CSMD1: variants seen among roughly 807,000 people sequenced by gnomAD.
CSMD1 encodes CUB and Sushi multiple domains 1.
A neutral mutation model predicts 417.5 loss-of-function variants in CSMD1; 213 were observed. That is an observed-to-expected ratio of 0.51 (90% CI 0.46 to 0.57). The LOEUF is 0.57. CSMD1 is among the 20% of genes least tolerant of loss of function. CSMD1 has a pLI of 0.00. For missense variants in CSMD1, 6,923 were observed against 4,529.7 expected (o/e 1.53, Z -15.17); for synonymous variants, 2,862 against 1,736.8 (o/e 1.65, Z -16.11).
At chr8:3,962,420 C>A (rs1812391264) in intron 5 of CSMD1, among the ~76,000 whole-genome samples, 1 of 152,190 alleles carries the variant, frequency 6.6e-6, no homozygotes, top group African/African-American at 2.4e-5. Flanking sequence ...AGGTCTACCA[C>A]CCTCACCTCT....
chr8:4,136,599 C>T (rs1387329498), intron 3 of CSMD1, among the ~76,000 whole-genome samples: 3 of 152,156 alleles, frequency 2.0e-5, no homozygotes, highest in Non-Finnish European at 4.4e-5. Context: ...CAATTCCAGC[C>T]AGCAAGAGAG....
At chr8:4,603,281 T>C (rs1052896458) in intron 2 of CSMD1, among the ~76,000 whole-genome samples, 1 of 152,100 alleles carries the variant, frequency 6.6e-6, no homozygotes. Flanking sequence ...TTAATTTTTT[T>C]TACATTTCAA....
At chr8:4,889,661 T>G (rs1250689138) in intron 1 of CSMD1, among the ~76,000 whole-genome samples, 2 of 152,108 alleles carry the variant, frequency 1.3e-5, no homozygotes, top group Non-Finnish European at 2.9e-5. Context: ...ATATAAGGTT[T>G]TATTTAAAGC....
intron 3 of CSMD1, among the ~76,000 whole-genome samples, chr8:4,050,502 G>A (rs192096667): frequency 3.9e-5 from 6 of 152,032 alleles, no homozygotes; most frequent in Admixed American, 6.6e-5. Flanking sequence ...AGGGTAAATG[G>A]GGGTATGTAT....
intron 1 of CSMD1, among the ~76,000 whole-genome samples, chr8:4,852,100 C>T (rs1801515680): frequency 6.6e-6 from 1 of 152,192 alleles, no homozygotes; most frequent in Non-Finnish European, 1.5e-5. Context: ...ATATCTTTTA[C>T]TTGTGAAACT....
rs375275509 is a variant in CSMD1 at position 4,921,253 on chromosome 8, C to T, written c.85+73079G>A. Among the ~76,000 whole-genome samples the T allele has an allele frequency of 6.6e-5, 10 of 152,212 alleles. No homozygotes were observed. The South Asian group carries it at 2.1e-3, about 32-fold the overall frequency. On this transcript the variant is annotated intron_variant, in intron 1 of 69. Transcript: ENST00000635120. The stretch of plus-strand genomic sequence containing the variant: ...AGAAACCTCTTCCACCAGCCAGAGG[C>T]AACATTTATTGTCAGCCAATCTGAG...
intron 3 of CSMD1, among the ~76,000 whole-genome samples, chr8:4,401,940 T>TTTGATACA (rs1804673008): frequency 6.6e-6 from 1 of 151,998 alleles, no homozygotes; most frequent in African/African-American, 2.4e-5. Flanking sequence ...CCCACCCTGC[T>TTTGATACA]CTCCCGTGCA....
intron 11 of CSMD1, among the ~76,000 whole-genome samples, chr8:3,473,910 G>A (rs760207296): frequency 4.8e-4 from 73 of 152,074 alleles, no homozygotes; most frequent in Non-Finnish European, 1.6e-4. Flanking sequence ...GGGAAGCAAG[G>A]CACGTCTTAC....
intron 1 of CSMD1, among the ~76,000 whole-genome samples, chr8:4,777,847 G>A (rs931416184): frequency 6.6e-6 from 1 of 152,156 alleles, no homozygotes; most frequent in East Asian, 1.9e-4. Flanking sequence ...TCAACTAACG[G>A]CAACTATGCA....
At chr8:4,306,388 T>G (rs1462862524) in intron 3 of CSMD1, among the ~76,000 whole-genome samples, 1 of 89,414 alleles carries the variant, frequency 1.1e-5, no homozygotes, top group Non-Finnish European at 2.2e-5. Context: ...AATGCTGGAT[T>G]AAAAAACCTA....
intron 3 of CSMD1, among the ~76,000 whole-genome samples, chr8:4,159,689 C>T (rs978097528): frequency 8.5e-5 from 13 of 152,080 alleles, no homozygotes; most frequent in East Asian, 1.9e-4. Context: ...CCCGGGTTCA[C>T]GCCATTCTCC....
At position 4,460,278 on chromosome 8, in the gene CSMD1, T is replaced by C. The variant is rs936769330; in HGVS notation, c.303-40213A>G. 2.0e-5 allele frequency among the ~76,000 whole-genome samples: 3 copies of C among 151,982 alleles called. No individual in the cohort carries two copies. In the East Asian group the frequency reaches 5.8e-4, roughly 29 times the overall value. ...AGAAATCACTAGGGAAATTTAAAAA[T>C]AATATGAACGAAAATGGAGATCAAA... On this transcript the variant is annotated intron_variant, in intron 2 of 69. Transcript: ENST00000635120.
chr8:4,300,944 T>A (rs922624289), intron 3 of CSMD1, among the ~76,000 whole-genome samples: 5 of 152,188 alleles, frequency 3.3e-5, no homozygotes, highest in African/African-American at 1.2e-4. Flanking sequence ...TTGTTGGACA[T>A]TTAGGTTGGT....
At chr8:4,118,531 C>T (rs1802292667) in intron 3 of CSMD1, among the ~76,000 whole-genome samples, 1 of 151,900 alleles carries the variant, frequency 6.6e-6, no homozygotes, top group East Asian at 1.9e-4. Context: ...GCAAACCAAA[C>T]CAAAATGGGA....
intron 5 of CSMD1, among the ~76,000 whole-genome samples, chr8:3,782,909 T>G (rs1584990805): frequency 6.6e-6 from 1 of 152,114 alleles, no homozygotes; most frequent in Non-Finnish European, 1.5e-5. Flanking sequence ...AATAAATAAA[T>G]AAAACTGTGG....
At chr8:3,423,211 G>C (rs940517844) in intron 12 of CSMD1, among the ~76,000 whole-genome samples, 4 of 152,112 alleles carry the variant, frequency 2.6e-5, no homozygotes, top group East Asian at 1.9e-4. Context: ...ACAATTTAAG[G>C]AGTCTTAATT....
chr8:3,475,981 C>A (rs1446656445), intron 11 of CSMD1, among the ~76,000 whole-genome samples: 1 of 152,202 alleles, frequency 6.6e-6, no homozygotes, highest in East Asian at 1.9e-4. Context: ...ACAATTTCAT[C>A]TCTGATCAAA....
chr8:4,684,130 T>A (rs1397767718), intron 1 of CSMD1, among the ~76,000 whole-genome samples: 1 of 152,224 alleles, frequency 6.6e-6, no homozygotes, highest in Non-Finnish European at 1.5e-5. Context: ...ATGATAATGA[T>A]TTCATATACA....
chr8:3,110,445 T>C lies in CSMD1; in HGVS notation c.6431-110A>G, dbSNP rs1443339659. The C allele has an allele frequency of 7.5e-5, 66 of 874,252 alleles. No individual in the cohort carries two copies. The East Asian group carries it at 1.8e-3, about 23-fold the overall frequency. 54.2% of individuals were successfully genotyped at this position (874,252 alleles called of 1,614,324 possible). A position where few individuals can be genotyped will look rare whatever the true frequency, so the allele number is the denominator to read the frequency against. ...AGCCAACATTTTTCCTGATGGGAAA[T>C]AGGTGTGAAATATTTCTGAATCACC... On this transcript the variant is annotated intron_variant, in intron 42 of 69. Coordinates refer to ENST00000635120, the MANE Select transcript of CSMD1 (RefSeq NM_033225.6).
Sources: gnomAD v4.1 joint callset for allele counts (sites outside exome capture counted in the v4.1 genomes callset) on GRCh38, gnomAD v4.1.1 for gene constraint, MANE v1.5 for transcripts, NCBI Gene and HGNC (gene_info 2026-07-23, HGNC 2026-07-21) for gene names.